TRANK1: variants seen among roughly 807,000 people sequenced by gnomAD.
TRANK1 encodes TPR and ankyrin repeat-containing protein 1.
TRANK1 carries 198 observed loss-of-function variants against 266.0 expected under a neutral mutation model. The ratio of observed to expected loss-of-function variants is 0.74; its 90% confidence interval spans 0.66 to 0.84. The LOEUF (loss-of-function observed/expected upper bound fraction) is 0.84, where lower values mean the gene tolerates loss of function less well. TRANK1 is among the 40% of genes least tolerant of loss of function. TRANK1 has a pLI of 0.00. For synonymous variants in TRANK1, 1,396 were observed against 1,384.1 expected (o/e 1.01, Z -0.19); for missense variants, 3,326 against 3,634.6 (o/e 0.92, Z 2.18).
At chr3:36,930,662 CAA>C (rs1238633693) in intron 1 of TRANK1, among the ~76,000 whole-genome samples, 1 of 152,072 alleles carries the variant, frequency 6.6e-6, no homozygotes, top group Non-Finnish European at 1.5e-5. Context: ...TGAAGAATCT[CAA>C]AAAGTTTATG....
chr3:36,831,210 C>G lies in TRANK1; in HGVS notation c.8373G>C (p.Glu2791Asp), dbSNP rs200797883. ...ENYFSPSKAF[E>D]GAASEVAVLS... is the part of the protein sequence containing the mutation. ...GGACTGCCACCTCGGAAGCTGCCCCCTCAAACGCTTTGCTGGGGCTGAAAT... is the reference window on the plus strand; with the variant it reads ...GGACTGCCACCTCGGAAGCTGCCCCGTCAAACGCTTTGCTGGGGCTGAAAT... The change falls in exon 22 of 24, where the codon GAG becomes GAC. Residue 2791 changes from glutamate (E) to aspartate (D), a missense_variant. Coordinates refer to ENST00000645898, the MANE Select transcript of TRANK1 (RefSeq NM_001329998.2). This position sits in a 1 kb window ranked among gnomAD's most constrained non-coding sequence, Gnocchi z 5.0. 21 of 1,613,942 alleles carry G rather than the reference C, an allele frequency of 1.3e-5. No individual in the cohort carries two copies. The African/African-American group carries it at 2.1e-4, about 16-fold the overall frequency.
intron 9 of TRANK1, among the ~76,000 whole-genome samples, chr3:36,866,100 G>GAAAGAA (rs1553622445): frequency 6.7e-6 from 1 of 150,120 alleles, no homozygotes; most frequent in Non-Finnish European, 1.5e-5. Context: ...AAGAAAGAAA[G>GAAAGAA]AAAGAAAGAA....
chr3:36,908,713 G>T, intron 1 of TRANK1: 2 of 853,858 alleles, frequency 2.3e-6, no homozygotes, highest in Non-Finnish European at 2.8e-6. Flanking sequence ...TCTGGAGGAG[G>T]CTGCTTCCAT....
chr3:36,925,896 T>C (rs1221811740), intron 1 of TRANK1, among the ~76,000 whole-genome samples: 1 of 152,206 alleles, frequency 6.6e-6, no homozygotes, highest in Non-Finnish European at 1.5e-5. Flanking sequence ...TGAATCTTAT[T>C]CTTAAAGCTA....
intron 1 of TRANK1, among the ~76,000 whole-genome samples, chr3:36,928,823 A>G (rs2080323501): frequency 6.6e-6 from 1 of 152,218 alleles, no homozygotes; most frequent in Non-Finnish European, 1.5e-5. Flanking sequence ...TAAAATACTA[A>G]CATGTTTCTG....
intron 8 of TRANK1, among the ~76,000 whole-genome samples, chr3:36,876,672 T>G (rs1327204245): frequency 6.6e-6 from 1 of 152,174 alleles, no homozygotes; most frequent in Non-Finnish European, 1.5e-5. Context: ...AATGAACATA[T>G]CAAACTTGAT....
chr3:36,878,960 G>A (rs931676790), intron 8 of TRANK1, among the ~76,000 whole-genome samples: 2 of 151,852 alleles, frequency 1.3e-5, no homozygotes, highest in Admixed American at 1.3e-4. Flanking sequence ...ACAAACCATT[G>A]CATTTTTATA....
At chr3:36,907,206 A>G (rs576521225) in intron 2 of TRANK1, among the ~76,000 whole-genome samples, 1 of 152,352 alleles carries the variant, frequency 6.6e-6, no homozygotes, top group African/African-American at 2.4e-5. Context: ...GCCAGAGTTC[A>G]ATGGCACGAT....
intron 1 of TRANK1, 28 bp downstream of exon 1, chr3:36,944,758 GC>G: frequency 6.7e-7 from 1 of 1,501,642 alleles, no homozygotes; most frequent in Non-Finnish European, 8.8e-7. Context: ...GGCCAGAGAT[GC>G]CCCAGTGCTT....
At chr3:36,920,322 G>A (rs972331528) in intron 1 of TRANK1, among the ~76,000 whole-genome samples, 1 of 152,060 alleles carries the variant, frequency 6.6e-6, no homozygotes, top group Non-Finnish European at 1.5e-5. Context: ...CCTTTGAAGT[G>A]GCCACTCCTT....
intron 7 of TRANK1, among the ~76,000 whole-genome samples, chr3:36,890,667 T>C (rs1372504357): frequency 6.6e-6 from 1 of 152,154 alleles, no homozygotes; most frequent in African/African-American, 2.4e-5. Context: ...TCTGATAAGA[T>C]TACCCTACTA....
At chr3:36,917,617 G>C (rs1003349687) in intron 1 of TRANK1, among the ~76,000 whole-genome samples, 15 of 152,212 alleles carry the variant, frequency 9.9e-5, no homozygotes, top group African/African-American at 3.6e-4. Context: ...GCAGAGAAGA[G>C]AGAGGCGAGT....
chr3:36,930,224 C>T (rs1310495404), intron 1 of TRANK1, among the ~76,000 whole-genome samples: 1 of 152,098 alleles, frequency 6.6e-6, no homozygotes, highest in Admixed American at 6.6e-5. Flanking sequence ...TCACTGCAGG[C>T]CTTGAAGGCG....
chr3:36,857,594 G>T lies in TRANK1; in HGVS notation c.2128C>A (p.Leu710Ile). The change falls in exon 13 of 24, where the codon CTC becomes ATC. Residue 710 changes from leucine to isoleucine, a missense_variant. Coordinates refer to ENST00000645898, the MANE Select transcript of TRANK1 (RefSeq NM_001329998.2). This position sits in a 1 kb window ranked among gnomAD's most constrained non-coding sequence, Gnocchi z 4.3. ...TTCCTGGTCACCTGGGTACCTGGGA[G>T]AGTCTCCCAGCTGTCAGGGACTGCA... Reference protein sequence around the residue: ...GSAVPDSWETLPGTQVTRKEP... With the variant: ...GSAVPDSWETIPGTQVTRKEP... 1 of 1,614,054 alleles carries T rather than the reference G, an allele frequency of 6.2e-7. No homozygotes were observed. The highest frequency in any genetic ancestry group is 8.5e-7 in the Non-Finnish European group (1 of 1,179,898).
At chr3:36,930,453 C>G (rs1168452552) in intron 1 of TRANK1, among the ~76,000 whole-genome samples, 3 of 152,138 alleles carry the variant, frequency 2.0e-5, no homozygotes, top group African/African-American at 7.2e-5. Context: ...CCAAGCTAGC[C>G]CACACTTCTA....
At position 36,872,730 on chromosome 3, in the gene TRANK1, A is replaced by G. The variant is rs147847650; in HGVS notation, c.1078+1396T>C. On this transcript the variant is annotated intron_variant, in intron 9 of 23. Coordinates refer to ENST00000645898, the MANE Select transcript of TRANK1 (RefSeq NM_001329998.2). ...GTACAGAGACATATATTATAAATTC[A>G]AGAAGCTCATCCATTTAATAGCAGT... 2.3e-4 allele frequency among the ~76,000 whole-genome samples: 35 copies of G among 152,326 alleles called. 1 individual carries two copies. The East Asian group carries it at 5.4e-3, about 23-fold the overall frequency.
intron 1 of TRANK1, among the ~76,000 whole-genome samples, chr3:36,928,032 G>T (rs2080312288): frequency 6.6e-6 from 1 of 152,188 alleles, no homozygotes; most frequent in South Asian, 2.1e-4. Flanking sequence ...GTTGTGATGA[G>T]CAAACCCAGC....
At chr3:36,891,878 C>T (rs1200902317) in intron 7 of TRANK1, among the ~76,000 whole-genome samples, 3 of 152,142 alleles carry the variant, frequency 2.0e-5, no homozygotes, top group Non-Finnish European at 4.4e-5. Context: ...GGAGGAAACT[C>T]TGCAGGTCTC....
At chr3:36,853,266 A>G (rs1452370924) in intron 13 of TRANK1, among the ~76,000 whole-genome samples, 1 of 152,220 alleles carries the variant, frequency 6.6e-6, no homozygotes, top group Admixed American at 6.5e-5. Context: ...TCCCAGTGAT[A>G]GGATTTGAAC....
Sources: allele counts gnomAD v4.1 joint callset (sites outside exome capture counted in the v4.1 genomes callset), GRCh38; gene constraint gnomAD v4.1.1; non-coding constraint Gnocchi (gnomAD v3.1); transcripts MANE v1.5; gene names NCBI Gene and HGNC (gene_info 2026-07-23, HGNC 2026-07-21).